Variants in KIF1B observed in about 807,000 individuals in gnomAD.
The protein encoded by KIF1B is kinesin-like protein KIF1B.
Under a neutral mutation model 241.9 loss-of-function variants are expected in KIF1B, and 76 were observed. The observed-to-expected ratio is 0.31, with a 90% CI of 0.26 to 0.38. KIF1B has a LOEUF of 0.38. Among genes scored for constraint, KIF1B ranks in the 10% least tolerant of loss-of-function variants. The pLI, the probability that KIF1B is intolerant of heterozygous loss-of-function variation, is 1.00. For missense variants in KIF1B, 1,622 were observed against 2,271.4 expected, an observed-to-expected ratio of 0.71 and a Z score of 5.81; for synonymous variants, 750 against 796.7, an observed-to-expected ratio of 0.94 and a Z score of 0.99.
chr1:10,323,543 G>T (rs1651604669), intron 24 of KIF1B, among the ~76,000 whole-genome samples: 1 of 152,104 alleles, frequency 6.6e-6, no homozygotes, highest in African/African-American at 2.4e-5. Flanking sequence ...GATCACCTGA[G>T]CCTAGGAGGT....
chr1:10,334,322 C>G lies in KIF1B; in HGVS notation c.2925-198C>G, dbSNP rs78771671. On this transcript the variant is annotated intron_variant, in intron 27 of 48. Transcript: ENST00000676179. Reference sequence around the variant, plus strand: ...TGTGTGTTGGTCTTCGTCAACAGTTCTGCCAAGCGTTTGCTTGTTCATTAT... The same window carrying G: ...TGTGTGTTGGTCTTCGTCAACAGTTGTGCCAAGCGTTTGCTTGTTCATTAT... Among the ~76,000 whole-genome samples, 168 of 152,266 alleles carry G rather than the reference C, an allele frequency of 1.1e-3. 1 individual carries two copies. Among genetic ancestry groups the G allele is most frequent in the Non-Finnish European group, 1.9e-3 (129 of 68,016 alleles).
intron 2 of KIF1B, among the ~76,000 whole-genome samples, chr1:10,244,392 G>A (rs1340944245): frequency 2.1e-5 from 3 of 142,840 alleles, no homozygotes; most frequent in Non-Finnish European, 4.5e-5. Flanking sequence ...TCGGCTCACC[G>A]CAACCTCCGC....
chr1:10,329,986 A>G (rs929775845), intron 27 of KIF1B, among the ~76,000 whole-genome samples: 2 of 152,146 alleles, frequency 1.3e-5, no homozygotes, highest in Admixed American at 1.3e-4. Flanking sequence ...ACCTTAACTG[A>G]CATTCTTTCT....
At chr1:10,251,963 T>C (rs183707435) in intron 2 of KIF1B, among the ~76,000 whole-genome samples, 51 of 152,302 alleles carry the variant, frequency 3.3e-4, no homozygotes, top group South Asian at 2.9e-3. Flanking sequence ...TTCCGTTTTC[T>C]TGGTAGAGTT....
chr1:10,312,657 A>AC (rs763364043), intron 22 of KIF1B, among the ~76,000 whole-genome samples: 4 of 151,318 alleles, frequency 2.6e-5, no homozygotes, highest in Non-Finnish European at 5.9e-5. Flanking sequence ...GGACCTTGGC[A>AC]CTTGCTGTTA....
intron 45 of KIF1B, among the ~76,000 whole-genome samples, chr1:10,372,521 G>A (rs1638758813): frequency 6.6e-6 from 1 of 151,328 alleles, no homozygotes; most frequent in Non-Finnish European, 1.5e-5. Flanking sequence ...GGGTGACAGA[G>A]CAAGAAATCA....
intron 4 of KIF1B, among the ~76,000 whole-genome samples, chr1:10,259,520 T>G (rs1405911445): frequency 4.6e-5 from 7 of 150,988 alleles, no homozygotes; most frequent in African/African-American, 1.5e-4. Context: ...TTTTTTTTTT[T>G]GAGGTGGAGT....
chr1:10,289,394 G>A (rs1477585559), intron 15 of KIF1B, among the ~76,000 whole-genome samples: 1 of 152,078 alleles, frequency 6.6e-6, no homozygotes, highest in Non-Finnish European at 1.5e-5. Context: ...CCCACTCTCA[G>A]CATACCCACA....
At chr1:10,246,069 T>C (rs961893562) in intron 2 of KIF1B, among the ~76,000 whole-genome samples, 1 of 152,218 alleles carries the variant, frequency 6.6e-6, no homozygotes, top group Non-Finnish European at 1.5e-5. Flanking sequence ...TTCTGTAGCC[T>C]GGACCTCTCT....
chr1:10,265,922 A>G (rs1213183443), intron 5 of KIF1B, among the ~76,000 whole-genome samples: 2 of 152,208 alleles, frequency 1.3e-5, no homozygotes, highest in South Asian at 2.1e-4. Context: ...GGCAATAGAA[A>G]TGGAATTAAG....
In KIF1B at chr1:10,321,754, G is replaced by A. The variant is rs752469685; in HGVS notation, c.2255G>A (p.Arg752Gln). ...HEFELAQWAFRKWKSHQFTSL... is the reference protein window; with the variant it reads ...HEFELAQWAFQKWKSHQFTSL... ...TTTGAGTTGGCCCAATGGGCCTTCCGGAAATGGAAGTCTCATCAGTTTACT... is the reference window on the plus strand; with the variant it reads ...TTTGAGTTGGCCCAATGGGCCTTCCAGAAATGGAAGTCTCATCAGTTTACT... Residue 752 changes from arginine (R) to glutamine (Q), a missense_variant, in exon 24 of 49, where the codon CGG becomes CAG. Coordinates refer to ENST00000676179, the MANE Select transcript of KIF1B (RefSeq NM_001365951.3). 53 of 1,613,974 alleles carry A rather than the reference G, an allele frequency of 3.3e-5. 1 individual carries two copies. Among genetic ancestry groups the A allele is most frequent in the Middle Eastern group, 3.3e-4 (2 of 6,084 alleles).
At chr1:10,261,393 C>CTGAGG (rs1648137226) in intron 4 of KIF1B, among the ~76,000 whole-genome samples, 1 of 151,702 alleles carries the variant, frequency 6.6e-6, no homozygotes, top group Admixed American at 6.6e-5. Flanking sequence ...GCCTCAGCCT[C>CTGAGG]CAGAATAGCT....
chr1:10,244,472 G>A (rs1159229457), intron 2 of KIF1B, among the ~76,000 whole-genome samples: 1 of 151,390 alleles, frequency 6.6e-6, no homozygotes, highest in Non-Finnish European at 1.5e-5. Flanking sequence ...GCACTACTAC[G>A]CCCGGCTAAT....
At chr1:10,344,272 A>C (rs1361675805) in intron 34 of KIF1B, among the ~76,000 whole-genome samples, 3 of 152,158 alleles carry the variant, frequency 2.0e-5, no homozygotes, top group Non-Finnish European at 2.9e-5. Context: ...CCAGAGCGAG[A>C]GGGTACCCAA....
At chr1:10,325,982 G>C (rs977225898) in intron 26 of KIF1B, 129 bp from the exon 27 acceptor site, 9 of 1,238,890 alleles carry the variant, frequency 7.3e-6, no homozygotes, top group Non-Finnish European at 9.4e-6. Flanking sequence ...TTATCCTTTT[G>C]CTTTTCCATT....
At chr1:10,367,400 G>C in intron 43 of KIF1B, among the ~76,000 whole-genome samples, 1 of 151,088 alleles carries the variant, frequency 6.6e-6, no homozygotes, top group Non-Finnish European at 1.5e-5. Context: ...CCAGATAAAA[G>C]TTTTTTAAAG....
chr1:10,271,006 A>G (rs1301728860), intron 7 of KIF1B, among the ~76,000 whole-genome samples: 4 of 151,938 alleles, frequency 2.6e-5, no homozygotes, highest in Non-Finnish European at 5.9e-5. Flanking sequence ...CCCACCAGAA[A>G]TATGTGATTG....
chr1:10,244,449 G>A (rs1647178831), intron 2 of KIF1B, among the ~76,000 whole-genome samples: 1 of 151,134 alleles, frequency 6.6e-6, no homozygotes, highest in Admixed American at 6.6e-5. Context: ...CAAGTAGCTA[G>A]GCTTACAGGC....
chr1:10,233,710 C>CTTTT (rs61200537), intron 2 of KIF1B, among the ~76,000 whole-genome samples: 6 of 142,634 alleles, frequency 4.2e-5, no homozygotes, highest in Non-Finnish European at 6.1e-5. Flanking sequence ...CTCAATAAAG[C>CTTTT]TTTTTTTTTT....
Sources: allele counts gnomAD v4.1 joint callset (sites outside exome capture counted in the v4.1 genomes callset), GRCh38; gene constraint gnomAD v4.1.1; transcripts MANE v1.5; gene names NCBI Gene and HGNC (gene_info 2026-07-23, HGNC 2026-07-21).